VSIG10L: variants seen among roughly 807,000 people sequenced by gnomAD.
VSIG10L encodes the protein V-set and immunoglobulin domain containing 10 like, also known as V-set and immunoglobulin domain-containing protein 10-like.
A neutral mutation model predicts 67.3 loss-of-function variants in VSIG10L; 63 were observed. The ratio of observed to expected loss-of-function variants is 0.94; its 90% CI spans 0.76 to 1.15. VSIG10L has a LOEUF of 1.15. VSIG10L is among the 50% of genes most tolerant of loss of function. VSIG10L has a pLI of 0.00. For missense variants in VSIG10L, 1,050 were observed against 1,177.5 expected (o/e 0.89, Z 1.58); for synonymous variants, 499 against 524.9 (o/e 0.95, Z 0.67).
At chr19:51,333,306 A>G (rs1258367239) in intron 9 of VSIG10L, among the ~76,000 whole-genome samples, 2 of 152,186 alleles carry the variant, frequency 1.3e-5, no homozygotes, top group Non-Finnish European at 2.9e-5. Context: ...AGGTGGGCGG[A>G]TCACTTGAGG....
chr19:51,341,486 C>CT lies in VSIG10L; in HGVS notation c.561dup (p.Ala188SerfsTer71). On this transcript the variant is annotated frameshift_variant, in exon 2 of 10. Transcript: ENST00000335624. LOFTEE classifies it high-confidence loss of function. ...CCCACCTGCTGGGGAAAGCTTGCAG[C>CT]TGAGTGGGTCTCTGCAGAAAATTTG... The CT allele has an allele frequency of 6.5e-7, 1 of 1,549,148 alleles. No homozygotes were observed. Among genetic ancestry groups the CT allele is most frequent in the Middle Eastern group, 1.7e-4 (1 of 5,980 alleles).
intron 7 of VSIG10L, 30 bp from the exon 8 acceptor site, chr19:51,334,334 G>A: frequency 1.9e-6 from 3 of 1,544,454 alleles, no homozygotes; most frequent in Non-Finnish European, 1.8e-6. Context: ...GAAAGAGAAG[G>A]GGAACAGGAA....
chr19:51,333,029 T>C (rs1985395392), intron 9 of VSIG10L, among the ~76,000 whole-genome samples: 1 of 152,082 alleles, frequency 6.6e-6, no homozygotes. Context: ...TTAAAATTTT[T>C]TGTAGAGATG....
Position 51,341,456 on chromosome 19 carries a change from G to C in VSIG10L, c.592C>G (p.Pro198Ala). Reference sequence around the variant, plus strand: ...GTGGTCCCCACCAGCACAGCGAGTGGGCCCCCCACCTGCTGGGGAAAGCTT... The same window carrying C: ...GTGGTCCCCACCAGCACAGCGAGTGCGCCCCCCACCTGCTGGGGAAAGCTT... ...AASFPQQVGG[P>A]LAVLVGTTIR... Residue 198 changes from proline to alanine, a missense_variant, in exon 2 of 10, where the codon CCA becomes GCA. By Grantham distance (27) the Pro-to-Ala change is conservative. This residue lies in a region of VSIG10L where 511 missense variants were observed against 557.9 expected (regional missense o/e 0.92). Coordinates refer to ENST00000335624, the MANE Select transcript of VSIG10L (RefSeq NM_001163922.3). The C allele has an allele frequency of 6.5e-7, 1 of 1,542,880 alleles. No homozygotes were observed. Among genetic ancestry groups the C allele is most frequent in the Non-Finnish European group, 8.8e-7 (1 of 1,142,452 alleles).
chr19:51,332,678 G>T, intron 9 of VSIG10L, 38 bp from the exon 10 acceptor site: 4 of 1,535,032 alleles, frequency 2.6e-6, no homozygotes, highest in Non-Finnish European at 8.8e-7. Context: ...GAACTCAGTA[G>T]GTACTCTGGA....
At position 51,332,634 on chromosome 19, in the gene VSIG10L, T is replaced by C. The variant is rs541389662; in HGVS notation, c.2581A>G (p.Thr861Ala). The C allele has an allele frequency of 1.2e-5, 17 of 1,399,516 alleles. No homozygotes were observed. The allele number at this position is 1,399,516 out of a possible 1,614,324, so 86.7% of individuals were successfully genotyped here. ...GCCTACAGAGACAACTGAACTGGGG[T>C]CTGTGCCTGGAAGAGAGAGGTGGGG... ...HSSTRAYQAQ[T>A]PVQLSL Residue 861 changes from threonine to alanine, a missense_variant, in exon 10 of 10, where the codon ACC becomes GCC. By Grantham distance (58) the Thr-to-Ala change is moderately conservative. Transcript: ENST00000335624.
chr19:51,340,258 C>A lies in VSIG10L; in HGVS notation c.1231G>T (p.Asp411Tyr). The A allele has an allele frequency of 2.0e-6, 3 of 1,514,426 alleles. No individual in the cohort carries two copies. Among genetic ancestry groups the A allele is most frequent in the Non-Finnish European group, 2.6e-6 (3 of 1,138,714 alleles). The allele number at this position is 1,514,426 out of a possible 1,614,324, so 93.8% of individuals were successfully genotyped here. Residue 411 changes from aspartate to tyrosine, a missense_variant, in exon 4 of 10, where the codon GAC (aspartate) becomes TAC (tyrosine). This residue lies in a region of VSIG10L where 511 missense variants were observed against 557.9 expected (regional missense o/e 0.92). Coordinates refer to ENST00000335624, the MANE Select transcript of VSIG10L (RefSeq NM_001163922.3). This position sits in a 1 kb window ranked among gnomAD's most constrained non-coding sequence, Gnocchi z 6.3. ...PPTITVSSDR[D>Y]AAPARFVTAG... ...GTGACAAAGCGGGCAGGCGCGGCGT[C>A]GCGGTCCGAGGAGACCGTGATGGTC...
In VSIG10L at chr19:51,338,207, C is replaced by T; in HGVS notation, c.1731G>A (p.Glu577=). Residue 577 remains glutamate, a splice_region_variant and synonymous_variant, in exon 6 of 10, where the codon GAG becomes GAA. Transcript: ENST00000335624. The part of the protein sequence containing the change: ...VATRTCTVTP[E]APREVLLHPL... ...GATGCAGCAGCACCTCTCGGGGGGC[C>T]TCTGCCGGTGGGAGAAGTCCAGTTA... 6.8e-7 allele frequency: 1 copy of T among 1,464,326 alleles called. No individual in the cohort carries two copies. The highest frequency in any genetic ancestry group is 9.0e-7 in the Non-Finnish European group (1 of 1,106,846). The allele number at this position is 1,464,326 out of a possible 1,614,324, so 90.7% of individuals were successfully genotyped here.
chr19:51,340,763 C>A lies in VSIG10L; in HGVS notation c.896-37G>T. On this transcript the variant is annotated intron_variant, in intron 2 of 9. Transcript: ENST00000335624. The surrounding 1 kb of genome is among the most constrained non-coding windows in gnomAD (Gnocchi z 6.3). ...AGAATGGGCTCAGGACCCACCCAGT[C>A]CTGGAGCCCATCTTTGGTCCCCTTA... The A allele has an allele frequency of 7.0e-7, 1 of 1,438,734 alleles. No individual in the cohort carries two copies. Among genetic ancestry groups the A allele is most frequent in the South Asian group, 1.4e-5 (1 of 69,588 alleles). 89.1% of individuals were successfully genotyped at this position (1,438,734 alleles called of 1,614,324 possible).
intron 9 of VSIG10L, among the ~76,000 whole-genome samples, chr19:51,333,529 C>CAA (rs1190779104): frequency 0.022 from 2,559 of 117,346 alleles, 69 homozygotes; most frequent in African/African-American, 0.073. Context: ...ACTCTGTCTC[C>CAA]AAAAAAAAAA....
chr19:51,333,785 A>G lies in VSIG10L; in HGVS notation c.2574+6T>C. 7.8e-6 allele frequency: 12 copies of G among 1,535,672 alleles called. No individual in the cohort carries two copies. The highest frequency in any genetic ancestry group is 8.8e-6 in the Non-Finnish European group (10 of 1,140,542). On this transcript the variant is annotated splice_donor_region_variant and intron_variant, in intron 9 of 9. Coordinates refer to ENST00000335624, the MANE Select transcript of VSIG10L (RefSeq NM_001163922.3). Reference sequence around the variant, plus strand: ...TCCAGGAGGAAATGAGGGCACCCACACTCACTTGGTAGGCCCTAGTTGAGC... The same window carrying G: ...TCCAGGAGGAAATGAGGGCACCCACGCTCACTTGGTAGGCCCTAGTTGAGC...
At position 51,337,790 on chromosome 19, in the gene VSIG10L, C is replaced by G; in HGVS notation, c.2008+140G>C. 5 of 1,180,986 alleles carry G rather than the reference C, an allele frequency of 4.2e-6. No homozygotes were observed. The South Asian group carries it at 8.2e-5, about 19-fold the overall frequency. 73.2% of individuals were successfully genotyped at this position (1,180,986 alleles called of 1,614,324 possible). A position where few individuals can be genotyped will look rare whatever the true frequency, so the allele number is the denominator to read the frequency against. ...GGGAGGAGGGGCTGAGGCCTGGACT[C>G]CAGGGTCTGAGGGAGGAGAGGCTGG... On this transcript the variant is annotated intron_variant, in intron 6 of 9. Coordinates refer to ENST00000335624, the MANE Select transcript of VSIG10L (RefSeq NM_001163922.3).
At chr19:51,337,579 A>G in intron 6 of VSIG10L, 45 bp from the exon 7 acceptor site, 3 of 724,860 alleles carry the variant, frequency 4.1e-6, no homozygotes, top group South Asian at 3.4e-5. Flanking sequence ...GCCAGAGGGG[A>G]GAGGGAAGGG....
chr19:51,337,345 G>A lies in VSIG10L; in HGVS notation c.2198C>T (p.Ala733Val), dbSNP rs1215826745. The change falls in exon 7 of 10, where the codon GCC becomes GTC. Residue 733 changes from alanine to valine, a missense_variant. This residue lies in a region of VSIG10L where 529 missense variants were observed against 584.9 expected (regional missense o/e 0.90). Transcript: ENST00000335624. ...LLILGPQERS[A>V]VVPLPPRNPG... is the part of the protein sequence containing the mutation. ...GTTCCGAGGTGGAAGGGGCACCACG[G>A]CTGACCGCTCCTGAGGCCCCAGGAT... The A allele has an allele frequency of 6.4e-7, 1 of 1,551,576 alleles. No homozygotes were observed. Among genetic ancestry groups the A allele is most frequent in the Non-Finnish European group, 8.7e-7 (1 of 1,146,952 alleles).
chr19:51,337,213 G>A (rs1985503282), intron 7 of VSIG10L, 25 bp downstream of exon 7: 1 of 1,530,232 alleles, frequency 6.5e-7, no homozygotes, highest in African/African-American at 1.4e-5. Flanking sequence ...AACAGAGAAG[G>A]TCTACTCTGA....
rs1167647127 is a variant in VSIG10L at position 51,331,766 on chromosome 19, G to T, written c.*845C>A. The T allele has an allele frequency of 2.0e-5, 3 of 152,214 alleles. No homozygotes were observed. The highest frequency in any genetic ancestry group is 4.4e-5 in the Non-Finnish European group (3 of 68,060). The allele number at this position is 152,214 out of a possible 1,614,324, so 9.4% of individuals were successfully genotyped here. A position where few individuals can be genotyped will look rare whatever the true frequency, so the allele number is the denominator to read the frequency against. ...GGTTAAGTGCTGAGTTAATGATGTGGTCTCTGCTTTTGTAAAGCCCTTAGT... is the reference window on the plus strand; with the variant it reads ...GGTTAAGTGCTGAGTTAATGATGTGTTCTCTGCTTTTGTAAAGCCCTTAGT... On this transcript the variant is annotated 3_prime_UTR_variant, in exon 10 of 10. Coordinates refer to ENST00000335624, the MANE Select transcript of VSIG10L (RefSeq NM_001163922.3).
chr19:51,341,988 G>A lies in VSIG10L; in HGVS notation c.60C>T (p.Leu20=), dbSNP rs368451936. Residue 20 remains leucine (L), a synonymous_variant, in exon 2 of 10, where the codon CTC becomes CTT. Transcript: ENST00000335624. ...FLLLASLVGI[L]TLRASSGLQQ... ...GAAGTCCAGAAGAGGCTCTGAGGGTGAGGATCCCTACCAAGGAGGCTGCAG... is the reference window on the plus strand; with the variant it reads ...GAAGTCCAGAAGAGGCTCTGAGGGTAAGGATCCCTACCAAGGAGGCTGCAG... The A allele has an allele frequency of 3.9e-6, 6 of 1,551,632 alleles. No individual in the cohort carries two copies. In the African/African-American group the frequency reaches 5.5e-5, roughly 14 times the overall value.
At position 51,338,985 on chromosome 19, in the gene VSIG10L, C is replaced by T; in HGVS notation, c.1632G>A (p.Leu544=). The change falls in exon 5 of 10, where the codon CTG becomes CTA. Residue 544 remains leucine (L), a synonymous_variant. Coordinates refer to ENST00000335624, the MANE Select transcript of VSIG10L (RefSeq NM_001163922.3). ...GIRAGPVSSV[L]LAAVPAHPRL... ...GGGGGTGGGCGGGGACGGCCGCCAG[C>T]AGCACAGAGGACACTGGCCCGGCGC... 5 of 1,431,534 alleles carry T rather than the reference C, an allele frequency of 3.5e-6. No homozygotes were observed. The highest frequency in any genetic ancestry group is 4.6e-6 in the Non-Finnish European group (5 of 1,089,322). 88.7% of individuals were successfully genotyped at this position (1,431,534 alleles called of 1,614,324 possible).
At position 51,332,597 on chromosome 19, in the gene VSIG10L, C is replaced by G; in HGVS notation, c.*14G>C. The G allele has an allele frequency of 1.3e-6, 2 of 1,550,216 alleles. No individual in the cohort carries two copies. Among genetic ancestry groups the G allele is most frequent in the Non-Finnish European group, 1.7e-6 (2 of 1,146,774 alleles). ...ACACCTGTGTGGCTGCGCGAACAGTCTTTGAGCCTCCGCCTACAGAGACAA... is the reference window on the plus strand; with the variant it reads ...ACACCTGTGTGGCTGCGCGAACAGTGTTTGAGCCTCCGCCTACAGAGACAA... On this transcript the variant is annotated 3_prime_UTR_variant, in exon 10 of 10. Transcript: ENST00000335624.
Sources: gnomAD v4.1 joint callset for allele counts (sites outside exome capture counted in the v4.1 genomes callset) on GRCh38, gnomAD v4.1.1 for gene constraint, gnomAD v4.1.1 regional missense constraint, Gnocchi (gnomAD v3.1) non-coding constraint, MANE v1.5 for transcripts, NCBI Gene and HGNC (gene_info 2026-07-23, HGNC 2026-07-21) for gene names.